The following ZBTB16 variants were observed in gnomAD, a reference collection of about 807,000 sequenced individuals.
ZBTB16 encodes the protein zinc finger and BTB domain-containing protein 16.
A neutral mutation model predicts 56.8 loss-of-function variants in ZBTB16; 8 were observed. The observed-to-expected ratio is 0.14, with a 90% CI of 0.08 to 0.25. The LOEUF (loss-of-function observed/expected upper bound fraction) is 0.25. Among genes scored for constraint, ZBTB16 ranks in the 10% least tolerant of loss-of-function variants. The pLI is 1.00. For missense variants in ZBTB16, 625 were observed against 903.0 expected (o/e 0.69, Z 3.95); for synonymous variants, 363 against 368.5 (o/e 0.98, Z 0.17).
At chr11:114,207,554 A>T (rs1439297692) in intron 4 of ZBTB16, among the ~76,000 whole-genome samples, 2 of 149,696 alleles carry the variant, frequency 1.3e-5, no homozygotes, top group Non-Finnish European at 3.0e-5. Flanking sequence ...TAACCCCCAC[A>T]CTCTCATGTG....
chr11:114,135,830 G>A (rs956406803), intron 2 of ZBTB16, among the ~76,000 whole-genome samples: 1 of 152,172 alleles, frequency 6.6e-6, no homozygotes, highest in East Asian at 1.9e-4. Context: ...CTGTTCTCGG[G>A]TGCTCTTGCA....
intron 2 of ZBTB16, among the ~76,000 whole-genome samples, chr11:114,082,740 C>T (rs933331988): frequency 1.4e-4 from 21 of 151,892 alleles, no homozygotes; most frequent in East Asian, 3.9e-4. Flanking sequence ...TCTCGGTGGG[C>T]GGGGAAGCTG....
Position 114,143,445 on chromosome 11 carries a change from G to C in ZBTB16, c.1269-12892G>C, listed in dbSNP as rs1000919938. On this transcript the variant is annotated intron_variant, in intron 2 of 6. Coordinates refer to ENST00000335953, the MANE Select transcript of ZBTB16 (RefSeq NM_006006.6). This position sits in a 1 kb window ranked among gnomAD's most constrained non-coding sequence, Gnocchi z 6.4. ...GGGGGAAAGGGGGTCAGCTTTGAGA[G>C]GGGACAGAGGGGAGCTACTGGGGAA... 1.3e-5 allele frequency among the ~76,000 whole-genome samples: 2 copies of C among 152,176 alleles called. No homozygotes were observed. The highest frequency in any genetic ancestry group is 4.8e-5 in the African/African-American group (2 of 41,436).
intron 2 of ZBTB16, among the ~76,000 whole-genome samples, chr11:114,081,500 A>G (rs1939757618): frequency 6.6e-6 from 1 of 152,186 alleles, no homozygotes; most frequent in Non-Finnish European, 1.5e-5. Flanking sequence ...TTCATTTTAA[A>G]TTTTAAAACC....
At position 114,251,730 on chromosome 11, in the gene ZBTB16, C is replaced by G. The variant is rs1023588395; in HGVS notation, c.*1175C>G. Among the ~76,000 whole-genome samples the G allele has an allele frequency of 7.2e-5, 11 of 152,138 alleles. No homozygotes were observed. Among genetic ancestry groups the G allele is most frequent in the African/African-American group, 2.2e-4 (9 of 41,422 alleles). On this transcript the variant is annotated 3_prime_UTR_variant, in exon 7 of 7. Transcript: ENST00000335953. Reference sequence around the variant, plus strand: ...AGAATTCCTGACTCACAGCGCCCCTCGGTCCACAGTGGAGAGGAGGAGGAG... The same window carrying G: ...AGAATTCCTGACTCACAGCGCCCCTGGGTCCACAGTGGAGAGGAGGAGGAG...
rs1001283406 is a variant in ZBTB16 at position 114,064,624 on chromosome 11, C to G, written c.1268+56C>G. The G allele has an allele frequency of 6.3e-7, 1 of 1,596,852 alleles. No homozygotes were observed. The highest frequency in any genetic ancestry group is 8.5e-7 in the Non-Finnish European group (1 of 1,172,666). On this transcript the variant is annotated intron_variant, in intron 2 of 6. Coordinates refer to ENST00000335953, the MANE Select transcript of ZBTB16 (RefSeq NM_006006.6). The surrounding 1 kb of genome is among the most constrained non-coding windows in gnomAD (Gnocchi z 4.2). ...TAGGACTTGAGGCCCTCACACCCCT[C>G]CTTCACACCCTGGCTGCTCCCAAGT...
chr11:114,076,687 G>A (rs1050956199), intron 2 of ZBTB16, among the ~76,000 whole-genome samples: 1 of 138,844 alleles, frequency 7.2e-6, no homozygotes, highest in Non-Finnish European at 1.5e-5. Flanking sequence ...AATGTGAAGC[G>A]GCTGCTAAAT....
In ZBTB16 at chr11:114,180,080, C is replaced by T. The variant is rs540032841; in HGVS notation, c.1367-6872C>T. Among the ~76,000 whole-genome samples the T allele has an allele frequency of 1.1e-4, 16 of 152,294 alleles. No homozygotes were observed. In the South Asian group the frequency reaches 2.9e-3, roughly 28 times the overall value. On this transcript the variant is annotated intron_variant, in intron 3 of 6. Transcript: ENST00000335953. ...CTCCCACACACGGAGGCCTCAGTCC[C>T]GCCTCTGGCATGTGCGTCCTGTCTT...
At chr11:114,162,870 C>T (rs966833626) in intron 3 of ZBTB16, among the ~76,000 whole-genome samples, 5 of 152,150 alleles carry the variant, frequency 3.3e-5, no homozygotes, top group African/African-American at 1.2e-4. Flanking sequence ...CTTGAACACA[C>T]TTCTCTTTCT....
chr11:114,093,862 T>C (rs1940283446), intron 2 of ZBTB16, among the ~76,000 whole-genome samples: 1 of 152,232 alleles, frequency 6.6e-6, no homozygotes, highest in South Asian at 2.1e-4. Flanking sequence ...TGAGACAACA[T>C]GTCATATGCA....
chr11:114,220,918 C>T (rs1944216506), intron 4 of ZBTB16, among the ~76,000 whole-genome samples: 1 of 152,200 alleles, frequency 6.6e-6, no homozygotes, highest in African/African-American at 2.4e-5. Context: ...TGAAGCAGGA[C>T]TTTCTGTCAT....
intron 4 of ZBTB16, among the ~76,000 whole-genome samples, chr11:114,234,899 G>A (rs925676415): frequency 6.6e-6 from 1 of 152,192 alleles, no homozygotes; most frequent in African/African-American, 2.4e-5. Flanking sequence ...GGGAGGAGAA[G>A]ATGGGCGAAA....
At chr11:114,141,792 G>T (rs888317944) in intron 2 of ZBTB16, among the ~76,000 whole-genome samples, 2 of 152,224 alleles carry the variant, frequency 1.3e-5, no homozygotes, top group African/African-American at 4.8e-5. Flanking sequence ...TTATTTCCTT[G>T]TGCCTCAGAA....
At chr11:114,244,845 C>G (rs1334792039) in intron 5 of ZBTB16, among the ~76,000 whole-genome samples, 2 of 152,094 alleles carry the variant, frequency 1.3e-5, no homozygotes, top group Admixed American at 6.5e-5. Flanking sequence ...GGCAGCCGCC[C>G]CCTTCCCCCC....
At chr11:114,186,248 GAAGAATATGCAC>G (rs1943358349) in intron 3 of ZBTB16, among the ~76,000 whole-genome samples, 1 of 146,298 alleles carries the variant, frequency 6.8e-6, no homozygotes, top group Non-Finnish European at 1.5e-5. Context: ...AGGACATGCA[GAAGAATATGCAC>G]AGGCCTAGCA....
intron 4 of ZBTB16, among the ~76,000 whole-genome samples, chr11:114,195,466 G>T (rs1249113988): frequency 6.6e-6 from 1 of 152,170 alleles, no homozygotes; most frequent in Non-Finnish European, 1.5e-5. Flanking sequence ...GGGGACAAGA[G>T]ACCTGCCTGA....
In ZBTB16 at chr11:114,159,481, C is replaced by CT. The variant is rs202002965; in HGVS notation, c.1366+3055dup. Among the ~76,000 whole-genome samples, 403 of 152,220 alleles carry CT rather than the reference C, an allele frequency of 2.6e-3. 3 individuals are homozygous for CT. Among genetic ancestry groups the CT allele is most frequent in the African/African-American group, 9.2e-3 (384 of 41,520 alleles). On this transcript the variant is annotated intron_variant, in intron 3 of 6. Transcript: ENST00000335953. ...CGGCCTATATTCTGATATTTCTATT[C>CT]TTTTTTTTCTTTCTGTTGTCCGGCA...
chr11:114,217,934 C>T (rs888753576), intron 4 of ZBTB16, among the ~76,000 whole-genome samples: 3 of 152,192 alleles, frequency 2.0e-5, no homozygotes, highest in Non-Finnish European at 4.4e-5. Context: ...GGGATCCCTG[C>T]AGATAGATGG....
Position 114,223,603 on chromosome 11 carries a change from G to C in ZBTB16, c.1454-18564G>C, listed in dbSNP as rs550104740. 6.6e-5 allele frequency among the ~76,000 whole-genome samples: 10 copies of C among 152,234 alleles called. No individual in the cohort carries two copies. The South Asian group carries it at 1.7e-3, about 25-fold the overall frequency. ...TTTATTGAACACCCATTCTTACTTA[G>C]TAGTATATTAGGCTCTGGGAATACA... On this transcript the variant is annotated intron_variant, in intron 4 of 6. Coordinates refer to ENST00000335953, the MANE Select transcript of ZBTB16 (RefSeq NM_006006.6).
Sources: allele counts gnomAD v4.1 joint callset (sites outside exome capture counted in the v4.1 genomes callset), GRCh38; gene constraint gnomAD v4.1.1; non-coding constraint Gnocchi (gnomAD v3.1); transcripts MANE v1.5; gene names NCBI Gene and HGNC (gene_info 2026-07-23, HGNC 2026-07-21).